UBIAD1: variants seen among roughly 807,000 people sequenced by gnomAD.
The protein encoded by UBIAD1 is UbiA prenyltransferase domain containing 1.
UBIAD1 carries 12 observed loss-of-function variants against 20.1 expected under a neutral mutation model. The ratio of observed to expected loss-of-function variants is 0.60; its 90% CI spans 0.38 to 0.97. The LOEUF (loss-of-function observed/expected upper bound fraction) is 0.97. Ranked by LOEUF, UBIAD1 falls within the 50% of genes least tolerant of loss-of-function variation. The pLI is 0.00. For missense variants in UBIAD1, 333 were observed against 419.5 expected, an observed-to-expected ratio of 0.79 and a Z score of 1.80; for synonymous variants, 207 against 189.2, an observed-to-expected ratio of 1.09 and a Z score of -0.77.
chr1:11,282,887 T>A (rs1652290249), intron 1 of UBIAD1, among the ~76,000 whole-genome samples: 1 of 144,932 alleles, frequency 6.9e-6, no homozygotes, highest in Non-Finnish European at 1.5e-5. Context: ...TGAGACGGAG[T>A]TTTGCTCTTG....
At chr1:11,296,999 G>A (rs1267385309), downstream of UBIAD1, among the ~76,000 whole-genome samples, 1 of 152,148 alleles carries the variant, frequency 6.6e-6, no homozygotes, top group Non-Finnish European at 1.5e-5. Flanking sequence ...ATAAGTACCA[G>A]GAACTGTATT....
At chr1:11,291,336 G>A (rs1018186838), downstream of UBIAD1, among the ~76,000 whole-genome samples, 2 of 152,070 alleles carry the variant, frequency 1.3e-5, no homozygotes, top group South Asian at 2.1e-4. Context: ...GGCCAATCAC[G>A]GTGGCTCATG....
In UBIAD1 at chr1:11,285,565, G is replaced by A. The variant is rs371766514; in HGVS notation, c.530-79G>A. ...GATTTACCATTTTCAGCCGGAAGTG[G>A]CCTGCCTCTTCACTGGTGAACAGTC... On this transcript the variant is annotated intron_variant, in intron 1 of 1. Transcript: ENST00000376810. The surrounding 1 kb of genome is among the most constrained non-coding windows in gnomAD (Gnocchi z 4.4). The A allele has an allele frequency of 6.2e-7, 1 of 1,606,422 alleles. No homozygotes were observed. Among genetic ancestry groups the A allele is most frequent in the South Asian group, 1.1e-5 (1 of 90,592 alleles).
chr1:11,282,364 A>G (rs1268509100), intron 1 of UBIAD1, among the ~76,000 whole-genome samples: 1 of 152,162 alleles, frequency 6.6e-6, no homozygotes, highest in Non-Finnish European at 1.5e-5. Flanking sequence ...GGAAATTCCC[A>G]GATGGGCCAC....
Position 11,285,556 on chromosome 1 carries a change from C to T in UBIAD1, c.530-88C>T. The T allele has an allele frequency of 6.3e-7, 1 of 1,593,798 alleles. No individual in the cohort carries two copies. The highest frequency in any genetic ancestry group is 1.1e-5 in the South Asian group (1 of 89,928). ...CAGTCTAAGGATTTACCATTTTCAG[C>T]CGGAAGTGGCCTGCCTCTTCACTGG... On this transcript the variant is annotated intron_variant, in intron 1 of 1. Coordinates refer to ENST00000376810, the MANE Select transcript of UBIAD1 (RefSeq NM_013319.3). The surrounding 1 kb of genome is among the most constrained non-coding windows in gnomAD (Gnocchi z 4.4).
Position 11,288,082 on chromosome 1 carries a change from A to G in UBIAD1, c.*1951A>G, listed in dbSNP as rs1251913807. On this transcript the variant is annotated 3_prime_UTR_variant, in exon 2 of 2. Coordinates refer to ENST00000376810, the MANE Select transcript of UBIAD1 (RefSeq NM_013319.3). ...CTTCTCCCCAGTCCTTCCCAGCACC[A>G]TTTTTGTTTCACACCAGGCTTGTGG... is the stretch of plus-strand genomic sequence containing the variant. 6.6e-6 allele frequency: 1 copy of G among 152,174 alleles called. No homozygotes were observed. The highest frequency in any genetic ancestry group is 1.5e-5 in the Non-Finnish European group (1 of 68,026). 9.4% of individuals were successfully genotyped at this position (152,174 alleles called of 1,614,324 possible).
chr1:11,292,668 TACACACACACACACACACACAC>T (rs71568319), downstream of UBIAD1, among the ~76,000 whole-genome samples: 4 of 140,646 alleles, frequency 2.8e-5, no homozygotes, highest in African/African-American at 7.9e-5. Flanking sequence ...ATTTTATGTA[TACACACACACACACACACACAC>T]ACACACACAC....
intron 1 of UBIAD1, chr1:11,278,773 A>G: frequency 3.8e-6 from 2 of 527,838 alleles, no homozygotes; most frequent in Non-Finnish European, 6.8e-6. Context: ...CACTGGAGTT[A>G]TTTATTCCAT....
intron 1 of UBIAD1, among the ~76,000 whole-genome samples, chr1:11,275,224 G>A (rs759303000): frequency 1.3e-5 from 2 of 152,128 alleles, no homozygotes; most frequent in African/African-American, 4.8e-5. Flanking sequence ...TTATAGTTAG[G>A]GTGACCAATA....
chr1:11,273,608 C>G lies in UBIAD1; in HGVS notation c.77C>G (p.Pro26Arg). ...GETVKAGDRD[P>R]LGNDCPEQDR... ...ACTGTCAAAGCTGGGGACAGGGACC[C>G]GCTGGGGAACGACTGTCCCGAGCAA... The change falls in exon 1 of 2, where the codon CCG (proline) becomes CGG (arginine). Residue 26 changes from proline to arginine, a missense_variant. Physicochemically the swap from Pro to Arg is moderately radical, Grantham distance 103 (BLOSUM62 -2). Transcript: ENST00000376810. This position sits in a 1 kb window ranked among gnomAD's most constrained non-coding sequence, Gnocchi z 4.9. 1 of 1,613,950 alleles carries G rather than the reference C, an allele frequency of 6.2e-7. No individual in the cohort carries two copies. The highest frequency in any genetic ancestry group is 1.3e-5 in the African/African-American group (1 of 75,052).
intron 1 of UBIAD1, among the ~76,000 whole-genome samples, chr1:11,276,346 A>G (rs1213889193): frequency 1.3e-5 from 2 of 151,780 alleles, no homozygotes. Context: ...TCTTGGACAC[A>G]TTCCACATTT....
intron 1 of UBIAD1, among the ~76,000 whole-genome samples, chr1:11,284,560 G>A (rs2101022078): frequency 6.6e-6 from 1 of 152,272 alleles, no homozygotes; most frequent in Admixed American, 6.5e-5. Context: ...TGCCTCCAAG[G>A]CTCAAGCATT....
In UBIAD1 at chr1:11,281,645, A is replaced by G. The variant is rs369887582; in HGVS notation, c.530-3999A>G. Reference sequence around the variant, plus strand: ...AATTTTGATAAATGTATACAGTTGCATAACCCACACCCCGTCATCATCCAG... The same window carrying G: ...AATTTTGATAAATGTATACAGTTGCGTAACCCACACCCCGTCATCATCCAG... On this transcript the variant is annotated intron_variant, in intron 1 of 1. Transcript: ENST00000376810. 3.3e-5 allele frequency among the ~76,000 whole-genome samples: 5 copies of G among 152,196 alleles called. 1 individual carries two copies. Among genetic ancestry groups the G allele is most frequent in the African/African-American group, 1.2e-4 (5 of 41,444 alleles).
chr1:11,284,726 A>G (rs1302733325), intron 1 of UBIAD1, among the ~76,000 whole-genome samples: 2 of 152,158 alleles, frequency 1.3e-5, no homozygotes, highest in South Asian at 4.1e-4. Flanking sequence ...GGCCTCCCAG[A>G]GTGCTGGGAT....
chr1:11,284,923 G>T (rs1638229136), intron 1 of UBIAD1, among the ~76,000 whole-genome samples: 1 of 152,148 alleles, frequency 6.6e-6, no homozygotes, highest in South Asian at 2.1e-4. Context: ...ATTTGGTAAG[G>T]GGGATGGAGG....
chr1:11,295,135 A>G (rs1557524303), exon 2 of UBIAD1: 1 of 567,008 alleles, frequency 1.8e-6, no homozygotes. Flanking sequence ...ACACACGTGA[A>G]CCATAGAATA....
chr1:11,282,719 T>C (rs1321458968), intron 1 of UBIAD1, among the ~76,000 whole-genome samples: 1 of 143,374 alleles, frequency 7.0e-6, no homozygotes, highest in African/African-American at 2.6e-5. Context: ...TGCACCACCA[T>C]GCCCGGCTAA....
At chr1:11,275,999 T>C (rs186083093) in intron 1 of UBIAD1, among the ~76,000 whole-genome samples, 203 of 152,228 alleles carry the variant, frequency 1.3e-3, no homozygotes, top group Non-Finnish European at 2.4e-3. Flanking sequence ...ATATAGACCT[T>C]GTAGGCCACT....
chr1:11,277,790 A>G (rs1478016585), intron 1 of UBIAD1, among the ~76,000 whole-genome samples: 1 of 152,014 alleles, frequency 6.6e-6, no homozygotes, highest in Non-Finnish European at 1.5e-5. Context: ...GATTACAGGC[A>G]TGGGCCACCA....
Sources: allele counts gnomAD v4.1 joint callset (sites outside exome capture counted in the v4.1 genomes callset), GRCh38; gene constraint gnomAD v4.1.1; non-coding constraint Gnocchi (gnomAD v3.1); transcripts MANE v1.5; gene names NCBI Gene and HGNC (gene_info 2026-07-23, HGNC 2026-07-21).